PCDHA10: variants seen among roughly 807,000 people sequenced by gnomAD.
PCDHA10 encodes protocadherin alpha-10.
Under a neutral mutation model 61.2 loss-of-function variants are expected in PCDHA10, and 45 were observed. The ratio of observed to expected loss-of-function variants is 0.74; its 90% CI spans 0.58 to 0.94. The LOEUF is 0.94. Among genes scored for constraint, PCDHA10 ranks in the 40% least tolerant of loss-of-function variants. The probability of loss-of-function intolerance (pLI) is 0.00; values close to 1 mark genes in which losing one functional copy is unlikely to be tolerated. For synonymous variants in PCDHA10, 602 were observed against 548.8 expected (o/e 1.10, Z -1.35); for missense variants, 1,278 against 1,236.2 (o/e 1.03, Z -0.51).
chr5:140,868,857 T>A (rs2050685848), intron 1 of PCDHA10: 1 of 499,740 alleles, frequency 2.0e-6, no homozygotes, highest in Admixed American at 3.8e-5. Context: ...TCTGTGGTGG[T>A]AAATGCAGTG....
chr5:140,891,956 G>T (rs528674370), intron 1 of PCDHA10, among the ~76,000 whole-genome samples: 1 of 152,344 alleles, frequency 6.6e-6, no homozygotes, highest in South Asian at 2.1e-4. Flanking sequence ...CCAGAATTGT[G>T]AGAAGTAAAT....
chr5:141,009,315 C>G (rs1292643535), intron 3 of PCDHA10, among the ~76,000 whole-genome samples: 2 of 152,132 alleles, frequency 1.3e-5, no homozygotes, highest in Admixed American at 6.6e-5. Context: ...AAAAGCTAGC[C>G]TGGCATGGGA....
At chr5:140,997,206 T>A (rs2097763489) in intron 3 of PCDHA10, among the ~76,000 whole-genome samples, 1 of 152,118 alleles carries the variant, frequency 6.6e-6, no homozygotes, top group Non-Finnish European at 1.5e-5. Context: ...ATTGACATCA[T>A]TATTGAAACT....
chr5:140,875,832 C>T, intron 1 of PCDHA10: 1 of 1,614,086 alleles, frequency 6.2e-7, no homozygotes, highest in Middle Eastern at 1.6e-4. Flanking sequence ...TCCATGTGGA[C>T]GTGGAGGTGA....
chr5:140,955,701 A>G (rs1381358710), intron 1 of PCDHA10, among the ~76,000 whole-genome samples: 1 of 152,150 alleles, frequency 6.6e-6, no homozygotes, highest in Non-Finnish European at 1.5e-5. Context: ...ATGTCAATGG[A>G]AGTTTAATAG....
At position 140,857,142 on chromosome 5, in the gene PCDHA10, G is replaced by A. The variant is rs782455438; in HGVS notation, c.1094G>A (p.Gly365Asp). Residue 365 changes from glycine (G) to aspartate (D), a missense_variant, in exon 1 of 4, where the codon GGC (glycine) becomes GAC (aspartate). Physicochemically the swap from Gly to Asp is moderately conservative, Grantham distance 94 (BLOSUM62 -1). Transcript: ENST00000307360. ...CCAGTGAAAGAAGATGCTCAAGTGGGCACCGTCATTGCCCTAATCAGCGTT... is the reference window on the plus strand; with the variant it reads ...CCAGTGAAAGAAGATGCTCAAGTGGACACCGTCATTGCCCTAATCAGCGTT... Reference protein sequence around the residue: ...SLPVKEDAQVGTVIALISVSD... With the variant: ...SLPVKEDAQVDTVIALISVSD... 4 of 1,598,268 alleles carry A rather than the reference G, an allele frequency of 2.5e-6. No homozygotes were observed. The highest frequency in any genetic ancestry group is 3.4e-5 in the Admixed American group (2 of 59,268).
chr5:140,999,338 G>T (rs1451765927), intron 3 of PCDHA10, among the ~76,000 whole-genome samples: 2 of 152,126 alleles, frequency 1.3e-5, no homozygotes, highest in African/African-American at 2.4e-5. Context: ...TGATTTATAA[G>T]CCTTGTCTCT....
Position 140,856,765 on chromosome 5 carries a change from T to C in PCDHA10, c.717T>C (p.Pro239=), listed in dbSNP as rs1554149084. The change falls in exon 1 of 4, where the codon CCT becomes CCC. Residue 239 remains proline, a synonymous_variant. Transcript: ENST00000307360. ...TGTTAGATGCCAATGATAACGCCCCTATCTTTGACAGACCGGTTTATGAAG... is the reference window on the plus strand; with the variant it reads ...TGTTAGATGCCAATGATAACGCCCCCATCTTTGACAGACCGGTTTATGAAG... ...ILVLDANDNA[P]IFDRPVYEVK... is the part of the protein sequence containing the mutation. The C allele has an allele frequency of 2.5e-6, 4 of 1,596,946 alleles. No homozygotes were observed. In the South Asian group the frequency reaches 4.4e-5, roughly 18 times the overall value.
chr5:140,871,467 G>A (rs782618131), intron 1 of PCDHA10: 18 of 1,602,610 alleles, frequency 1.1e-5, no homozygotes, highest in Non-Finnish European at 1.3e-5. Context: ...GGGAAAGACA[G>A]GAGCCAGGGT....
chr5:140,926,903 G>GT, intron 1 of PCDHA10: 1 of 1,558,060 alleles, frequency 6.4e-7, no homozygotes, highest in Non-Finnish European at 8.7e-7. Context: ...ATGGTGGGCT[G>GT]TGGGGTGGCA....
chr5:140,869,407 T>G, intron 1 of PCDHA10: 4 of 1,614,120 alleles, frequency 2.5e-6, no homozygotes, highest in African/African-American at 1.3e-5. Context: ...GAGCGCGGAG[T>G]GCAGCATCCA....
rs116072877 is a variant in PCDHA10 at position 140,927,686 on chromosome 5, A to G, written c.2389-51263A>G. On this transcript the variant is annotated intron_variant, in intron 1 of 3. Transcript: ENST00000307360. ...GCCTTGGATCCAGATGAAGGGTCCA[A>G]TGGGGAAGTCCAGTACTCCCTAAGC... 796 of 1,614,196 alleles carry G rather than the reference A, an allele frequency of 4.9e-4. 3 individuals carry two copies. The African/African-American group carries it at 7.7e-3, about 16-fold the overall frequency.
chr5:141,004,024 C>T (rs1380291199), intron 3 of PCDHA10, among the ~76,000 whole-genome samples: 1 of 152,210 alleles, frequency 6.6e-6, no homozygotes, highest in African/African-American at 2.4e-5. Context: ...AAAGAAGAAA[C>T]ATTTCCTTGA....
Position 141,012,063 on chromosome 5 carries a change from T to C in PCDHA10, c.*2126T>C, listed in dbSNP as rs948658172. ...TGGGGTAAAACTTGTTACCAACACATGTGAACCATTGCTACATTGTAGGTT... is the reference window on the plus strand; with the variant it reads ...TGGGGTAAAACTTGTTACCAACACACGTGAACCATTGCTACATTGTAGGTT... On this transcript the variant is annotated 3_prime_UTR_variant, in exon 4 of 4. Transcript: ENST00000307360. The C allele has an allele frequency of 1.3e-5, 2 of 153,778 alleles. No individual in the cohort carries two copies. The highest frequency in any genetic ancestry group is 3.8e-4 in the East Asian group (2 of 5,196). The allele number at this position is 153,778 out of a possible 1,614,324, so 9.5% of individuals were successfully genotyped here. A position where few individuals can be genotyped will look rare whatever the true frequency, so the allele number is the denominator to read the frequency against.
intron 3 of PCDHA10, among the ~76,000 whole-genome samples, chr5:141,005,772 G>A (rs1554260355): frequency 6.9e-6 from 1 of 144,526 alleles, no homozygotes; most frequent in South Asian, 2.2e-4. Flanking sequence ...CAAACCAGAT[G>A]TGTAAAGATC....
chr5:140,902,666 C>A (rs1554190555), intron 1 of PCDHA10, among the ~76,000 whole-genome samples: 1 of 152,122 alleles, frequency 6.6e-6, no homozygotes, highest in Non-Finnish European at 1.5e-5. Context: ...GTCACCCAAG[C>A]AGTGTACACC....
chr5:140,874,005 C>T (rs887497526), intron 1 of PCDHA10, among the ~76,000 whole-genome samples: 1 of 152,100 alleles, frequency 6.6e-6, no homozygotes, highest in South Asian at 2.1e-4. Context: ...GTACATTGAC[C>T]ACTTTTGAAA....
rs369562052 is a variant in PCDHA10, at chr5:140,877,058, A to G, written c.2388+18622A>G. On this transcript the variant is annotated intron_variant, in intron 1 of 3. Transcript: ENST00000307360. Reference sequence around the variant, plus strand: ...CAGCCGCTAGACCACGAGGAGCTGGAGCTGCTGCAGTTCCAGGTGAGCGCG... The same window carrying G: ...CAGCCGCTAGACCACGAGGAGCTGGGGCTGCTGCAGTTCCAGGTGAGCGCG... The G allele has an allele frequency of 1.9e-6, 3 of 1,612,726 alleles. No homozygotes were observed. The African/African-American group carries it at 4.0e-5, about 22-fold the overall frequency.
chr5:140,884,499 C>T (rs782667822), intron 1 of PCDHA10: 1 of 1,614,062 alleles, frequency 6.2e-7, no homozygotes, highest in South Asian at 1.1e-5. Flanking sequence ...TGCTCCAGCG[C>T]GGCAGGGAGT....
Sources: gnomAD v4.1 joint callset for allele counts (sites outside exome capture counted in the v4.1 genomes callset) on GRCh38, gnomAD v4.1.1 for gene constraint, MANE v1.5 for transcripts, NCBI Gene and HGNC (gene_info 2026-07-23, HGNC 2026-07-21) for gene names.